PHACTR3: variants seen among roughly 807,000 people sequenced by gnomAD.
PHACTR3 encodes the protein phosphatase and actin regulator 3.
In PHACTR3, 16 loss-of-function variants were observed where a neutral mutation model predicts 66.8. The observed-to-expected ratio is 0.24, with a 90% confidence interval of 0.16 to 0.36. The LOEUF (loss-of-function observed/expected upper bound fraction) is 0.36, where lower values mean the gene tolerates loss of function less well. Among genes scored for constraint, PHACTR3 ranks in the 10% least tolerant of loss-of-function variants. The pLI is 1.00. For missense variants in PHACTR3, 647 were observed against 719.9 expected (o/e 0.90, Z 1.16); for synonymous variants, 323 against 292.1 (o/e 1.11, Z -1.08).
chr20:59,598,088 C>T (rs1237355720), intron 1 of PHACTR3, among the ~76,000 whole-genome samples: 1 of 152,134 alleles, frequency 6.6e-6, no homozygotes, highest in Non-Finnish European at 1.5e-5. Flanking sequence ...GGGTCAGTGG[C>T]CCATGACACA....
intron 8 of PHACTR3, among the ~76,000 whole-genome samples, chr20:59,826,213 T>A (rs1014452560): frequency 6.6e-5 from 10 of 150,478 alleles, no homozygotes; most frequent in African/African-American, 2.4e-4. Context: ...AGGGGAGGGG[T>A]GCTCAGGGGC....
intron 1 of PHACTR3, among the ~76,000 whole-genome samples, chr20:59,613,912 AATC>A (rs2033940613): frequency 6.6e-6 from 1 of 152,252 alleles, no homozygotes; most frequent in East Asian, 1.9e-4. Flanking sequence ...TCACAGAGCC[AATC>A]ATCTGGTCAG....
At chr20:59,674,090 A>C (rs2036288920) in intron 1 of PHACTR3, among the ~76,000 whole-genome samples, 1 of 151,998 alleles carries the variant, frequency 6.6e-6, no homozygotes, top group Admixed American at 6.5e-5. Flanking sequence ...GACAAGGGGC[A>C]GGAATCGGGA....
intron 1 of PHACTR3, among the ~76,000 whole-genome samples, chr20:59,734,926 G>A (rs2038895304): frequency 6.6e-6 from 1 of 151,922 alleles, no homozygotes; most frequent in African/African-American, 2.4e-5. Context: ...AGCAGGAAAA[G>A]TTGCTTCCTC....
chr20:59,669,294 G>A (rs2146500388), intron 1 of PHACTR3, among the ~76,000 whole-genome samples: 1 of 152,310 alleles, frequency 6.6e-6, no homozygotes, highest in South Asian at 2.1e-4. Context: ...TCAAGACTGT[G>A]TTAACTACTG....
chr20:59,617,007 A>C (rs1350738408), intron 1 of PHACTR3, among the ~76,000 whole-genome samples: 1 of 152,066 alleles, frequency 6.6e-6, no homozygotes. Context: ...CCTTAAGATC[A>C]TTACTTCAAA....
chr20:59,838,981 C>T (rs973603014), intron 9 of PHACTR3, among the ~76,000 whole-genome samples: 1 of 151,664 alleles, frequency 6.6e-6, no homozygotes, highest in Non-Finnish European at 1.5e-5. Context: ...TTTCAAAGAT[C>T]AGTTCTCCAA....
chr20:59,843,751 A>T (rs528554190), intron 11 of PHACTR3: 1 of 152,224 alleles, frequency 6.6e-6, no homozygotes, highest in Non-Finnish European at 1.5e-5. Context: ...CAGAAGAAAC[A>T]GTCCAGGACA....
At chr20:59,799,367 G>A (rs2146977397) in intron 7 of PHACTR3, among the ~76,000 whole-genome samples, 1 of 152,178 alleles carries the variant, frequency 6.6e-6, no homozygotes, top group South Asian at 2.1e-4. Flanking sequence ...ATTTAGAGAG[G>A]GGTTTTGAAA....
chr20:59,693,799 T>C (rs1183790255), intron 1 of PHACTR3, among the ~76,000 whole-genome samples: 1 of 152,190 alleles, frequency 6.6e-6, no homozygotes, highest in Non-Finnish European at 1.5e-5. Context: ...GACTCAACCC[T>C]CTTCTGTACT....
chr20:59,720,616 T>G (rs1418616911), intron 1 of PHACTR3, among the ~76,000 whole-genome samples: 2 of 152,192 alleles, frequency 1.3e-5, no homozygotes, highest in Admixed American at 1.3e-4. Context: ...AAGCCGAAGG[T>G]GCACACAATC....
intron 1 of PHACTR3, among the ~76,000 whole-genome samples, chr20:59,625,216 G>T (rs2034400745): frequency 6.6e-6 from 1 of 152,064 alleles, no homozygotes; most frequent in Non-Finnish European, 1.5e-5. Context: ...AGGGTCTGCA[G>T]AGATCTCTCT....
chr20:59,711,894 A>G (rs986204140), intron 1 of PHACTR3, among the ~76,000 whole-genome samples: 1 of 152,166 alleles, frequency 6.6e-6, no homozygotes, highest in Non-Finnish European at 1.5e-5. Flanking sequence ...AAAACGATTG[A>G]AAACATTTGT....
chr20:59,758,994 T>G (rs1057425614), intron 4 of PHACTR3, among the ~76,000 whole-genome samples: 1 of 152,224 alleles, frequency 6.6e-6, no homozygotes, highest in Non-Finnish European at 1.5e-5. Flanking sequence ...ACTGTTACTC[T>G]CACCATCATC....
chr20:59,634,649 C>T (rs945151562), intron 1 of PHACTR3, among the ~76,000 whole-genome samples: 8 of 152,258 alleles, frequency 5.3e-5, no homozygotes, highest in African/African-American at 1.2e-4. Context: ...GAAAAAGAAT[C>T]GCTGCTCCCT....
intron 1 of PHACTR3, among the ~76,000 whole-genome samples, chr20:59,741,646 A>G (rs139674153): frequency 3.8e-4 from 58 of 152,148 alleles, no homozygotes; most frequent in African/African-American, 1.4e-3. Context: ...ATTCTAACTA[A>G]TCTTTCCTAC....
chr20:59,632,686 G>C (rs2034710389), intron 1 of PHACTR3, among the ~76,000 whole-genome samples: 1 of 152,162 alleles, frequency 6.6e-6, no homozygotes, highest in South Asian at 2.1e-4. Context: ...GCTTTGATTG[G>C]GCTTCTGCCA....
At chr20:59,822,777 C>T (rs2042087843) in intron 8 of PHACTR3, among the ~76,000 whole-genome samples, 1 of 152,340 alleles carries the variant, frequency 6.6e-6, no homozygotes, top group Non-Finnish European at 1.5e-5. Flanking sequence ...CAGCTCCCAG[C>T]CTCACTAGGA....
At chr20:59,723,812 T>A (rs1042259103) in intron 1 of PHACTR3, among the ~76,000 whole-genome samples, 2 of 151,872 alleles carry the variant, frequency 1.3e-5, no homozygotes, top group Non-Finnish European at 2.9e-5. Context: ...GAGTAGAATG[T>A]TCATGGTGAC....
Sources: gnomAD v4.1 joint callset for allele counts (sites outside exome capture counted in the v4.1 genomes callset) on GRCh38, gnomAD v4.1.1 for gene constraint, MANE v1.5 for transcripts, NCBI Gene and HGNC (gene_info 2026-07-23, HGNC 2026-07-21) for gene names.